The following ARSF variants were observed in gnomAD, a reference collection of about 807,000 sequenced individuals.
ARSF encodes the protein arylsulfatase F.
ARSF carries 33 observed loss-of-function variants against 35.4 expected under a neutral mutation model. That is an observed-to-expected ratio of 0.93 (90% CI 0.71 to 1.25). ARSF has a LOEUF of 1.25. Among genes scored for constraint, ARSF ranks in the 50% most tolerant of loss-of-function variants. ARSF has a pLI of 0.00. For synonymous variants in ARSF, 222 were observed against 193.1 expected, an observed-to-expected ratio of 1.15 and a Z score of -1.24; for missense variants, 501 against 480.2, an observed-to-expected ratio of 1.04 and a Z score of -0.40.
chrX:3,043,610 G>C (rs7473774), intron 1 of ARSF, among the ~76,000 whole-genome samples: 4,137 of 110,991 alleles, frequency 0.037, 183 homozygotes, highest in African/African-American at 0.13. Flanking sequence ...CTTTTGAAAA[G>C]GCCTGGGATG....
In ARSF at chrX:3,100,690, C is replaced by T. The variant is rs192331467; in HGVS notation, c.968-397C>T. On this transcript the variant is annotated intron_variant, in intron 7 of 10. Coordinates refer to ENST00000381127, the MANE Select transcript of ARSF (RefSeq NM_001201539.2). ...TGAGCTCTCTGCAACCTCTGCCTCC[C>T]GGGTGTAAGCAATTCTCTGCCTCAG... Among the ~76,000 whole-genome samples the T allele has an allele frequency of 4.5e-3, 505 of 111,319 alleles. 13 individuals are homozygous for T. The highest frequency in any genetic ancestry group is 0.041 in the Admixed American group (432 of 10,449).
chrX:3,067,203 A>C (rs73439667), intron 1 of ARSF, among the ~76,000 whole-genome samples: 8,255 of 108,843 alleles, frequency 0.076, 453 homozygotes, highest in African/African-American at 0.19. Flanking sequence ...TCCAGAGTAT[A>C]CATGCTTTGG....
intron 2 of ARSF, among the ~76,000 whole-genome samples, chrX:3,069,924 A>G (rs1262654770): frequency 8.9e-6 from 1 of 111,826 alleles, no homozygotes; most frequent in Non-Finnish European, 1.9e-5. Flanking sequence ...AGATTTTATC[A>G]GTAATTTTCA....
chrX:3,093,427 T>G (rs766448813), intron 7 of ARSF, among the ~76,000 whole-genome samples: 6 of 111,202 alleles, frequency 5.4e-5, no homozygotes, highest in African/African-American at 2.0e-4. Flanking sequence ...TTCTCCCCTT[T>G]TGGAGTCCCC....
upstream of ARSF, among the ~76,000 whole-genome samples, chrX:3,041,304 T>TC (rs2089954146): frequency 9.7e-6 from 1 of 102,591 alleles, no homozygotes; most frequent in Non-Finnish European, 2.0e-5. Flanking sequence ...TTTTTCTTTT[T>TC]TTTTTTTTTT....
At chrX:3,082,439 T>G (rs2090208810) in intron 5 of ARSF, among the ~76,000 whole-genome samples, 1 of 111,908 alleles carries the variant, frequency 8.9e-6, no homozygotes, top group African/African-American at 3.2e-5. Context: ...ATCTATCATT[T>G]ATCTATCATC....
chrX:3,086,668 A>T (rs1025941146), intron 6 of ARSF, among the ~76,000 whole-genome samples: 1 of 104,971 alleles, frequency 9.5e-6, no homozygotes, highest in African/African-American at 3.5e-5. Flanking sequence ...ATACAAAAAA[A>T]TTAGTTGGAT....
At chrX:3,059,360 C>CAGT (rs755989279) in intron 1 of ARSF, among the ~76,000 whole-genome samples, 130 of 111,391 alleles carry the variant, frequency 1.2e-3, no homozygotes, top group Middle Eastern at 4.6e-3. Flanking sequence ...CTCCGGTCTA[C>CAGT]AGCTCCCAGC....
intron 6 of ARSF, 39 bp downstream of exon 6, chrX:3,084,705 T>A (rs1255429747): frequency 9.0e-6 from 10 of 1,113,414 alleles, no homozygotes; most frequent in South Asian, 4.4e-5. Context: ...ATAATGATAA[T>A]GATCTCTTTT....
At chrX:3,091,304 A>G (rs1415998941) in intron 7 of ARSF, among the ~76,000 whole-genome samples, 8 of 112,318 alleles carry the variant, frequency 7.1e-5, no homozygotes, top group Non-Finnish European at 5.6e-5. Context: ...GAGCACCAAT[A>G]TCTTAGTTGG....
intron 7 of ARSF, among the ~76,000 whole-genome samples, chrX:3,096,923 G>C (rs2090341765): frequency 9.0e-6 from 1 of 110,914 alleles, no homozygotes; most frequent in Admixed American, 9.7e-5. Context: ...GAGGTCATTG[G>C]GGGTGGGTCC....
In ARSF at chrX:3,062,157, A is replaced by G. The variant is rs762540391; in HGVS notation, c.-28-5916A>G. On this transcript the variant is annotated intron_variant, in intron 1 of 10. Coordinates refer to ENST00000381127, the MANE Select transcript of ARSF (RefSeq NM_001201539.2). ...CTCAGGATTAAGAAACTCACTCAAA[A>G]CTGCTCAACTACATGGAAACTGAAC... Among the ~76,000 whole-genome samples the G allele has an allele frequency of 7.1e-5, 8 of 112,265 alleles. No individual in the cohort carries two copies. In the East Asian group the frequency reaches 2.2e-3, roughly 31 times the overall value.
At position 3,052,630 on chromosome X, in the gene ARSF, C is replaced by T. The variant is rs183730362; in HGVS notation, c.-29+10967C>T. Reference sequence around the variant, plus strand: ...GATCACTTGAGTCCAGGAGTTGAGGCTGCAGTGAGCTGTGATCACACCACT... The same window carrying T: ...GATCACTTGAGTCCAGGAGTTGAGGTTGCAGTGAGCTGTGATCACACCACT... On this transcript the variant is annotated intron_variant, in intron 1 of 10. Coordinates refer to ENST00000381127, the MANE Select transcript of ARSF (RefSeq NM_001201539.2). Among the ~76,000 whole-genome samples the T allele has an allele frequency of 1.6e-4, 17 of 106,500 alleles. No homozygotes were observed. In the East Asian group the frequency reaches 4.5e-3, roughly 28 times the overall value. The allele number at this position is 106,500 out of a possible 115,157, so 92.5% of individuals were successfully genotyped here.
Position 3,073,548 on chromosome X carries a change from ATT to A in ARSF, c.161+1374_161+1375del, listed in dbSNP as rs759675772. On this transcript the variant is annotated intron_variant, in intron 3 of 10. Transcript: ENST00000381127. ...ACTATATATTAATAAATAAATATAT[ATT>A]ATTTATTAATATATATTTAATTATA... Among the ~76,000 whole-genome samples the A allele has an allele frequency of 3.7e-3, 349 of 94,127 alleles. 11 individuals carry two copies. The highest frequency in any genetic ancestry group is 0.013 in the African/African-American group (335 of 25,491). The allele number at this position is 94,127 out of a possible 115,157, so 81.7% of individuals were successfully genotyped here.
intron 9 of ARSF, 62 bp from the exon 10 acceptor site, chrX:3,110,066 A>T (rs1213148884): frequency 1.5e-4 from 159 of 1,058,713 alleles, no homozygotes; most frequent in Non-Finnish European, 1.4e-5. Flanking sequence ...CCCTTCAGGT[A>T]GCTTGGGACC....
At chrX:3,061,346 A>G (rs1010370599) in intron 1 of ARSF, among the ~76,000 whole-genome samples, 2 of 111,653 alleles carry the variant, frequency 1.8e-5, no homozygotes, top group African/African-American at 6.5e-5. Flanking sequence ...CACTGCAAAA[A>G]CATGCCAAAT....
chrX:3,103,655 T>G (rs767059892), intron 8 of ARSF, 107 bp from the exon 9 acceptor site: 1 of 939,552 alleles, frequency 1.1e-6, no homozygotes, highest in South Asian at 2.4e-5. Context: ...GAGTAGACAC[T>G]ATACAAATGT....
intron 7 of ARSF, among the ~76,000 whole-genome samples, chrX:3,094,834 A>G (rs754606348): frequency 9.2e-6 from 1 of 109,279 alleles, no homozygotes; most frequent in African/African-American, 3.3e-5. Context: ...AATATTTGAG[A>G]CACATATATA....
intron 4 of ARSF, 50 bp downstream of exon 4, chrX:3,076,719 G>A (rs1376864075): frequency 1.7e-6 from 2 of 1,183,178 alleles, no homozygotes; most frequent in African/African-American, 3.5e-5. Context: ...GTTAGGATGT[G>A]AGGAAACAAA....
Sources: allele counts gnomAD v4.1 joint callset (sites outside exome capture counted in the v4.1 genomes callset), GRCh38; gene constraint gnomAD v4.1.1; transcripts MANE v1.5; gene names NCBI Gene and HGNC (gene_info 2026-07-23, HGNC 2026-07-21).